MGRN1: variants seen among roughly 807,000 people sequenced by gnomAD.
MGRN1 encodes the protein E3 ubiquitin-protein ligase MGRN1.
In MGRN1, 29 loss-of-function variants were observed where a neutral mutation model predicts 69.2. The ratio of observed to expected loss-of-function variants is 0.42; its 90% confidence interval spans 0.31 to 0.57. The LOEUF is 0.57. MGRN1 is among the 20% of genes least tolerant of loss of function. The probability of loss-of-function intolerance (pLI) is 0.15; values close to 1 mark genes in which losing one functional copy is unlikely to be tolerated. For synonymous variants in MGRN1, 470 were observed against 344.2 expected (o/e 1.37, Z -4.04); for missense variants, 998 against 796.2 (o/e 1.25, Z -3.05).
Position 4,652,758 on chromosome 16 carries a change from C to T in MGRN1, c.377C>T (p.Ala126Val). 1 of 1,612,668 alleles carries T rather than the reference C, an allele frequency of 6.2e-7. No individual in the cohort carries two copies. Among genetic ancestry groups the T allele is most frequent in the Non-Finnish European group, 8.5e-7 (1 of 1,179,418 alleles). Residue 126 changes from alanine (A) to valine (V), a missense_variant, in exon 4 of 17, where the codon GCC becomes GTC. Physicochemically the swap from Ala to Val is moderately conservative, Grantham distance 64. Coordinates refer to ENST00000262370, the MANE Select transcript of MGRN1 (RefSeq NM_015246.4). ...VLYSLEFTFDADARVAITIYC... is the reference protein window; with the variant it reads ...VLYSLEFTFDVDARVAITIYC... ...TACAGCCTGGAGTTCACCTTCGACG[C>T]CGATGCCCGCGTGGCCATCACCATC... is the stretch of plus-strand genomic sequence containing the variant.
chr16:4,683,334 C>T lies in MGRN1; in HGVS notation c.1528+65C>T, dbSNP rs1451446938. 19 of 1,573,530 alleles carry T rather than the reference C, an allele frequency of 1.2e-5. No individual in the cohort carries two copies. The East Asian group carries it at 1.6e-4, about 13-fold the overall frequency. ...ACCAGGCAGCCCTGGCTTACTGGGG[C>T]CTTAGGGCTCCAGGTGGTGTTGGGC... On this transcript the variant is annotated intron_variant, in intron 15 of 16. Coordinates refer to ENST00000262370, the MANE Select transcript of MGRN1 (RefSeq NM_015246.4).
rs60384408 is a variant in MGRN1, at chr16:4,687,578, TACACAC to T, written c.1619-1193_1619-1188del. The T allele has an allele frequency of 1.0e-4, 96 of 931,870 alleles. No individual in the cohort carries two copies. In the South Asian group the frequency reaches 1.1e-3, roughly 10 times the overall value. The allele number at this position is 931,870 out of a possible 1,614,324, so 57.7% of individuals were successfully genotyped here. A position where few individuals can be genotyped will look rare whatever the true frequency, so the allele number is the denominator to read the frequency against. Reference sequence around the variant, plus strand: ...AGACCCTGTCTCAAGAAAAAAAAAATACACACACACACACACACACACACACACACG... The same window carrying T: ...AGACCCTGTCTCAAGAAAAAAAAAATACACACACACACACACACACACACG... On this transcript the variant is annotated intron_variant, in intron 16 of 16. Transcript: ENST00000262370.
At chr16:4,654,821 C>T (rs767244010) in intron 4 of MGRN1, among the ~76,000 whole-genome samples, 1 of 152,204 alleles carries the variant, frequency 6.6e-6, no homozygotes, top group Non-Finnish European at 1.5e-5. Context: ...GACCTGCCAC[C>T]AGGTGAGGCC....
At chr16:4,638,112 T>C (rs1394434617) in intron 1 of MGRN1, among the ~76,000 whole-genome samples, 1 of 152,170 alleles carries the variant, frequency 6.6e-6, no homozygotes, top group Non-Finnish European at 1.5e-5. Flanking sequence ...TTTGTGTTAA[T>C]TGGCATTTTT....
At chr16:4,686,628 G>A (rs1271276936) in intron 16 of MGRN1, 14 of 1,169,604 alleles carry the variant, frequency 1.2e-5, no homozygotes, top group East Asian at 4.7e-5. Flanking sequence ...GCCCAGGTGC[G>A]CCAGAGCCAC....
At chr16:4,661,790 C>T (rs1659503) in intron 5 of MGRN1, among the ~76,000 whole-genome samples, 63,315 of 152,194 alleles carry the variant, frequency 0.42, 13,803 homozygotes, top group East Asian at 0.62. Flanking sequence ...TCGTGAGATG[C>T]GGGGCCTAGG....
chr16:4,646,053 C>T (rs550653125), intron 1 of MGRN1, among the ~76,000 whole-genome samples: 1 of 152,278 alleles, frequency 6.6e-6, no homozygotes, highest in Admixed American at 6.5e-5. Context: ...AGTGGCTTAG[C>T]ACAGTGAGCA....
intron 4 of MGRN1, among the ~76,000 whole-genome samples, chr16:4,654,389 A>G (rs890783218): frequency 6.6e-6 from 1 of 152,228 alleles, no homozygotes. Context: ...TTGTACTTTC[A>G]GAGGTTTTAT....
chr16:4,684,578 G>A lies in MGRN1; in HGVS notation c.1618+646G>A, dbSNP rs145083640. ...GCCAGGCGCCAGCGGGGAACAGCAAGGCAGCAAGGCTGGGACAGAGGGTTG... is the reference window on the plus strand; with the variant it reads ...GCCAGGCGCCAGCGGGGAACAGCAAAGCAGCAAGGCTGGGACAGAGGGTTG... On this transcript the variant is annotated intron_variant, in intron 16 of 16. Coordinates refer to ENST00000262370, the MANE Select transcript of MGRN1 (RefSeq NM_015246.4). Among the ~76,000 whole-genome samples the A allele has an allele frequency of 6.2e-4, 95 of 152,384 alleles. No individual in the cohort carries two copies. In the East Asian group the frequency reaches 0.012, roughly 19 times the overall value.
chr16:4,684,061 C>T lies in MGRN1; in HGVS notation c.1618+129C>T, dbSNP rs1321332733. On this transcript the variant is annotated intron_variant, in intron 16 of 16. Transcript: ENST00000262370. The stretch of plus-strand genomic sequence containing the variant: ...TTGGAGCCTGGTTCTCTCCCTGGCT[C>T]TCAGCCATGCCCCTGCTATTGACCG... 7 of 817,354 alleles carry T rather than the reference C, an allele frequency of 8.6e-6. No homozygotes were observed. In the Admixed American group the frequency reaches 1.2e-4, roughly 14 times the overall value. 50.6% of individuals were successfully genotyped at this position (817,354 alleles called of 1,614,324 possible).
rs748043502 is a variant in MGRN1 at position 4,671,388 on chromosome 16, C to T, written c.727-3C>T. 4 of 1,613,980 alleles carry T rather than the reference C, an allele frequency of 2.5e-6. No individual in the cohort carries two copies. Among genetic ancestry groups the T allele is most frequent in the South Asian group, 1.1e-5 (1 of 91,092 alleles). Reference sequence around the variant, plus strand: ...GCCCAGTGAGCCCCTCTCTGCTCTCCAGGTGGACCGGGTCAGCTACCTCCT... The same window carrying T: ...GCCCAGTGAGCCCCTCTCTGCTCTCTAGGTGGACCGGGTCAGCTACCTCCT... On this transcript the variant is annotated splice_region_variant and splice_polypyrimidine_tract_variant and intron_variant, in intron 8 of 16. Transcript: ENST00000262370.
chr16:4,678,829 C>G (rs2079112335), intron 11 of MGRN1, among the ~76,000 whole-genome samples: 1 of 152,262 alleles, frequency 6.6e-6, no homozygotes, highest in Non-Finnish European at 1.5e-5. Context: ...CTGGCGTTCA[C>G]AGACAGCGCC....
rs533921495 is a variant in MGRN1, at chr16:4,688,947, C to T, written c.*39C>T. ...CTGGCAGCATGGAGCCCTCGGCTCC[C>T]CAGACTTTGCCGAGGGGCTGCTCCG... On this transcript the variant is annotated 3_prime_UTR_variant, in exon 17 of 17. Transcript: ENST00000262370. 2.6e-6 allele frequency: 4 copies of T among 1,510,564 alleles called. No homozygotes were observed. The highest frequency in any genetic ancestry group is 2.1e-5 in the Admixed American group (1 of 48,712). 93.6% of individuals were successfully genotyped at this position (1,510,564 alleles called of 1,614,324 possible).
chr16:4,663,104 C>T (rs2078719146), intron 5 of MGRN1, among the ~76,000 whole-genome samples: 1 of 152,214 alleles, frequency 6.6e-6, no homozygotes, highest in Non-Finnish European at 1.5e-5. Context: ...CACTGTGTCG[C>T]CCAGGCTGGA....
At chr16:4,642,826 G>C (rs1345249807) in intron 1 of MGRN1, among the ~76,000 whole-genome samples, 1 of 147,366 alleles carries the variant, frequency 6.8e-6, no homozygotes, top group Non-Finnish European at 1.5e-5. Flanking sequence ...TGGCTCTGTT[G>C]CCTAGGCTAT....
intron 1 of MGRN1, among the ~76,000 whole-genome samples, chr16:4,643,029 C>A (rs888029572): frequency 8.5e-5 from 13 of 152,122 alleles, no homozygotes; most frequent in African/African-American, 2.9e-4. Flanking sequence ...AATCTCAGCT[C>A]ACTGCAGCCT....
At chr16:4,653,492 G>T (rs372862883) in intron 4 of MGRN1, among the ~76,000 whole-genome samples, 1 of 151,292 alleles carries the variant, frequency 6.6e-6, no homozygotes, top group Non-Finnish European at 1.5e-5. Flanking sequence ...TTTTGTTTTT[G>T]TTTTGTTTTG....
In MGRN1 at chr16:4,644,124, T is replaced by C. The variant is rs139650594; in HGVS notation, c.89-6241T>C. 2.6e-5 allele frequency among the ~76,000 whole-genome samples: 4 copies of C among 151,330 alleles called. No homozygotes were observed. The East Asian group carries it at 7.9e-4, about 30-fold the overall frequency. ...TCCTGAGTAGTTGGGATTACAGGCA[T>C]GTACTACCACTCCCGGCTAATTTTT... On this transcript the variant is annotated intron_variant, in intron 1 of 16. Transcript: ENST00000262370.
At chr16:4,661,222 T>C (rs931726702) in intron 5 of MGRN1, among the ~76,000 whole-genome samples, 11 of 151,860 alleles carry the variant, frequency 7.2e-5, no homozygotes, top group African/African-American at 2.7e-4. Context: ...CCAGCAATCC[T>C]CGTACCTCGG....
Sources: allele counts gnomAD v4.1 joint callset (sites outside exome capture counted in the v4.1 genomes callset), GRCh38; gene constraint gnomAD v4.1.1; transcripts MANE v1.5; gene names NCBI Gene and HGNC (gene_info 2026-07-23, HGNC 2026-07-21).